NKAIN3: variants seen among roughly 807,000 people sequenced by gnomAD.
NKAIN3 encodes sodium/potassium transporting ATPase interacting 3, also known as sodium/potassium-transporting ATPase subunit beta-1-interacting protein 3.
Under a neutral mutation model 30.2 loss-of-function variants are expected in NKAIN3, and 25 were observed. That is an observed-to-expected ratio of 0.83 (90% confidence interval 0.60 to 1.16). The LOEUF (loss-of-function observed/expected upper bound fraction) is 1.16, where lower values mean the gene tolerates loss of function less well. Among genes scored for constraint, NKAIN3 ranks in the 50% most tolerant of loss-of-function variants. The pLI, the probability that NKAIN3 is intolerant of heterozygous loss-of-function variation, is 0.00. For missense variants in NKAIN3, 225 were observed against 254.1 expected, an observed-to-expected ratio of 0.89 and a Z score of 0.78; for synonymous variants, 91 against 89.6, an observed-to-expected ratio of 1.02 and a Z score of -0.09.
At chr8:62,603,740 C>A (rs1402590862) in intron 3 of NKAIN3, among the ~76,000 whole-genome samples, 1 of 152,006 alleles carries the variant, frequency 6.6e-6, no homozygotes, top group Non-Finnish European at 1.5e-5. Context: ...GTTGTCACTG[C>A]AACTTTGATA....
intron 3 of NKAIN3, among the ~76,000 whole-genome samples, chr8:62,718,956 T>C (rs1303541098): frequency 6.6e-6 from 1 of 152,204 alleles, no homozygotes; most frequent in East Asian, 1.9e-4. Flanking sequence ...GCATCGCACA[T>C]AAATAGATGA....
intron 4 of NKAIN3, among the ~76,000 whole-genome samples, chr8:62,901,552 T>C (rs1869729): frequency 0.77 from 117,718 of 152,150 alleles, 46,399 homozygotes; most frequent in East Asian, 0.98. Flanking sequence ...AGCCTAATTT[T>C]GACTCTTGTG....
At chr8:62,650,642 T>C (rs976251206) in intron 3 of NKAIN3, among the ~76,000 whole-genome samples, 3 of 152,108 alleles carry the variant, frequency 2.0e-5, no homozygotes, top group Non-Finnish European at 2.9e-5. Context: ...TATATACCAA[T>C]ATACAGCATG....
intron 1 of NKAIN3, among the ~76,000 whole-genome samples, chr8:62,415,443 A>G (rs1804414862): frequency 6.7e-6 from 1 of 150,130 alleles, no homozygotes; most frequent in Admixed American, 6.7e-5. Flanking sequence ...TCAATTGTCT[A>G]CATAGTTGTC....
intron 1 of NKAIN3, among the ~76,000 whole-genome samples, chr8:62,367,551 G>A (rs1164474763): frequency 6.6e-6 from 1 of 152,080 alleles, no homozygotes; most frequent in Non-Finnish European, 1.5e-5. Flanking sequence ...CAACAAATTA[G>A]ATATGATTTA....
intron 4 of NKAIN3, among the ~76,000 whole-genome samples, chr8:62,858,841 T>C (rs531182168): frequency 3.1e-4 from 47 of 152,138 alleles, no homozygotes; most frequent in Non-Finnish European, 5.6e-4. Context: ...TCTTGTCTTG[T>C]GAGGTGCCAT....
chr8:62,498,823 TGG>T (rs1303554095), intron 1 of NKAIN3, among the ~76,000 whole-genome samples: 1 of 151,672 alleles, frequency 6.6e-6, no homozygotes, highest in Non-Finnish European at 1.5e-5. Flanking sequence ...CACAATGTAA[TGG>T]GGAGGACTGA....
chr8:62,298,228 C>A (rs531211798), intron 1 of NKAIN3, among the ~76,000 whole-genome samples: 17 of 151,784 alleles, frequency 1.1e-4, no homozygotes, highest in African/African-American at 4.1e-4. Flanking sequence ...TGCTAAATGA[C>A]GAGTTAATGG....
At chr8:62,842,505 A>G (rs1194712417) in intron 4 of NKAIN3, among the ~76,000 whole-genome samples, 1 of 152,158 alleles carries the variant, frequency 6.6e-6, no homozygotes, top group African/African-American at 2.4e-5. Context: ...AAATGGAAAA[A>G]TCAATCCTAA....
intron 4 of NKAIN3, among the ~76,000 whole-genome samples, chr8:62,815,713 C>A (rs1346571569): frequency 6.6e-6 from 1 of 152,134 alleles, no homozygotes; most frequent in African/African-American, 2.4e-5. Context: ...ATTGATGGGA[C>A]CTATCTCAAA....
chr8:62,364,392 A>G (rs550061104), intron 1 of NKAIN3, among the ~76,000 whole-genome samples: 2 of 8,950 alleles, frequency 2.2e-4, no homozygotes, highest in Non-Finnish European at 9.2e-4. Context: ...ATGAAATCTG[A>G]TCCTAAAGGA....
chr8:62,414,299 AAGG>A (rs771954212), intron 1 of NKAIN3, among the ~76,000 whole-genome samples: 9 of 152,200 alleles, frequency 5.9e-5, no homozygotes, highest in Admixed American at 2.0e-4. Flanking sequence ...GTGTAAATAA[AAGG>A]AGCTGCATTA....
At chr8:62,428,560 A>G (rs1804890685) in intron 1 of NKAIN3, among the ~76,000 whole-genome samples, 1 of 151,872 alleles carries the variant, frequency 6.6e-6, no homozygotes, top group African/African-American at 2.4e-5. Context: ...GTGAGATAAT[A>G]TCTCATTTTG....
chr8:62,978,981 C>T lies in NKAIN3; in HGVS notation c.*13574C>T, dbSNP rs1230984932. On this transcript the variant is annotated 3_prime_UTR_variant, in exon 7 of 7. Transcript: ENST00000623646. ...GGCTAGGGGAGGGAGTTCCCCAACCCCTTGCACTTCCCAGGTGAGGCAATG... is the reference window on the plus strand; with the variant it reads ...GGCTAGGGGAGGGAGTTCCCCAACCTCTTGCACTTCCCAGGTGAGGCAATG... 1.3e-5 allele frequency: 2 copies of T among 152,956 alleles called. No homozygotes were observed. The highest frequency in any genetic ancestry group is 1.9e-4 in the East Asian group (1 of 5,160). 9.5% of individuals were successfully genotyped at this position (152,956 alleles called of 1,614,324 possible). A position where few individuals can be genotyped will look rare whatever the true frequency, so the allele number is the denominator to read the frequency against.
At chr8:62,557,373 C>T (rs1171848362) in intron 1 of NKAIN3, among the ~76,000 whole-genome samples, 2 of 152,006 alleles carry the variant, frequency 1.3e-5, no homozygotes, top group Admixed American at 6.6e-5. Context: ...CATGCATGTA[C>T]AAGTATCTTT....
At chr8:62,298,866 AATATTAAT>A (rs1020573662) in intron 1 of NKAIN3, among the ~76,000 whole-genome samples, 157 of 149,148 alleles carry the variant, frequency 1.1e-3, no homozygotes, top group Admixed American at 1.5e-3. Flanking sequence ...ATGAATCAAT[AATATTAAT>A]ATATTAATAT....
chr8:62,544,217 G>T (rs1347735124), intron 1 of NKAIN3, among the ~76,000 whole-genome samples: 1 of 151,964 alleles, frequency 6.6e-6, no homozygotes, highest in Non-Finnish European at 1.5e-5. Context: ...TGCCCAGGCT[G>T]GTCTGAAACC....
At chr8:62,691,370 C>T (rs983947757) in intron 3 of NKAIN3, among the ~76,000 whole-genome samples, 4 of 151,952 alleles carry the variant, frequency 2.6e-5, no homozygotes, top group Admixed American at 2.0e-4. Flanking sequence ...TCCAACTGTA[C>T]GGCTTAGACA....
chr8:62,581,214 G>C (rs1256386682), intron 2 of NKAIN3, among the ~76,000 whole-genome samples: 3 of 151,266 alleles, frequency 2.0e-5, no homozygotes, highest in African/African-American at 7.3e-5. Context: ...CTCCTAGAAG[G>C]GGGTTTCATG....
Sources: gnomAD v4.1 joint callset for allele counts (sites outside exome capture counted in the v4.1 genomes callset) on GRCh38, gnomAD v4.1.1 for gene constraint, MANE v1.5 for transcripts, NCBI Gene and HGNC (gene_info 2026-07-23, HGNC 2026-07-21) for gene names.